BAZ2B: variants seen among roughly 807,000 people sequenced by gnomAD.
The protein encoded by BAZ2B is bromodomain adjacent to zinc finger domain protein 2B.
Under a neutral mutation model 246.0 loss-of-function variants are expected in BAZ2B, and 91 were observed. That is an observed-to-expected ratio of 0.37 (90% CI 0.31 to 0.44). BAZ2B has a LOEUF of 0.44. BAZ2B is among the 20% of genes least tolerant of loss of function. The probability of loss-of-function intolerance (pLI) is 1.00; values close to 1 mark genes in which losing one functional copy is unlikely to be tolerated. For missense variants in BAZ2B, 2,332 were observed against 2,533.7 expected (o/e 0.92, Z 1.71); for synonymous variants, 855 against 860.0 (o/e 0.99, Z 0.10).
intron 16 of BAZ2B, chr2:159,404,371 A>ATT (rs3061984): frequency 0.3 from 41,508 of 138,756 alleles, 6,258 homozygotes; most frequent in South Asian, 0.42. Context: ...TGCTGTCATC[A>ATT]TTTTTTTTTT....
At chr2:159,582,629 C>A (rs191640849) in intron 1 of BAZ2B, among the ~76,000 whole-genome samples, 4 of 152,138 alleles carry the variant, frequency 2.6e-5, no homozygotes, top group Admixed American at 2.6e-4. Flanking sequence ...CAGTGATCAG[C>A]CCACCTCAGC....
chr2:159,346,264 G>A (rs999099136), intron 31 of BAZ2B, among the ~76,000 whole-genome samples: 3 of 152,194 alleles, frequency 2.0e-5, no homozygotes, highest in Non-Finnish European at 2.9e-5. Flanking sequence ...CCTCAAAAGT[G>A]TCCAAATGCC....
intron 1 of BAZ2B, among the ~76,000 whole-genome samples, chr2:159,563,019 C>G (rs1337214806): frequency 6.6e-6 from 1 of 152,074 alleles, no homozygotes; most frequent in African/African-American, 2.4e-5. Context: ...CAGACTATGG[C>G]TGTGAAGACT....
intron 1 of BAZ2B, among the ~76,000 whole-genome samples, chr2:159,597,144 A>G (rs1030529735): frequency 1.3e-5 from 2 of 151,666 alleles, no homozygotes; most frequent in African/African-American, 2.4e-5. Context: ...TCCCTGATCA[A>G]TAGTGATGTT....
intron 36 of BAZ2B, 120 bp downstream of exon 36, chr2:159,324,674 ACACACACACACACACCT>A: frequency 1.5e-5 from 4 of 273,522 alleles, no homozygotes; most frequent in East Asian, 1.1e-4. Context: ...ACACACACAC[ACACACACACACACACCT>A]GCCTCAAAGG....
At chr2:159,334,110 A>G (rs1326004288) in intron 33 of BAZ2B, among the ~76,000 whole-genome samples, 2 of 152,170 alleles carry the variant, frequency 1.3e-5, no homozygotes, top group East Asian at 3.8e-4. Flanking sequence ...AATCAGATTC[A>G]TGAACATAAG....
intron 1 of BAZ2B, among the ~76,000 whole-genome samples, chr2:159,605,647 C>T (rs1421652371): frequency 6.6e-6 from 1 of 151,704 alleles, no homozygotes; most frequent in African/African-American, 2.4e-5. Context: ...GTCCCAGCTA[C>T]TCAGGAGGCT....
At chr2:159,396,776 C>T (rs757528970) in intron 19 of BAZ2B, among the ~76,000 whole-genome samples, 5 of 151,988 alleles carry the variant, frequency 3.3e-5, no homozygotes, top group African/African-American at 4.8e-5. Flanking sequence ...TGGGAGAATA[C>T]GGGTCATAAT....
At chr2:159,488,756 CT>C (rs373188112) in intron 2 of BAZ2B, among the ~76,000 whole-genome samples, 210 of 152,206 alleles carry the variant, frequency 1.4e-3, no homozygotes, top group African/African-American at 4.8e-3. Flanking sequence ...GGAAAAACTA[CT>C]GATCACAAGG....
chr2:159,387,400 TTAA>T (rs1194856071), intron 21 of BAZ2B, among the ~76,000 whole-genome samples: 1 of 152,164 alleles, frequency 6.6e-6, no homozygotes, highest in Non-Finnish European at 1.5e-5. Context: ...ATTTTGCCTG[TTAA>T]TGAGAGCCTA....
chr2:159,414,062 G>C (rs888211966), intron 13 of BAZ2B, among the ~76,000 whole-genome samples: 1 of 152,140 alleles, frequency 6.6e-6, no homozygotes, highest in Non-Finnish European at 1.5e-5. Flanking sequence ...CTACACAATG[G>C]AGTACTTATT....
chr2:159,686,455 C>T, the BAZ2B span, among the ~76,000 whole-genome samples: 12 of 152,000 alleles, frequency 7.9e-5, no homozygotes, highest in African/African-American at 2.2e-4. Flanking sequence ...CAAACCAAAA[C>T]GGAAAAACAG....
the BAZ2B span, among the ~76,000 whole-genome samples, chr2:159,707,774 C>T: frequency 1.1e-4 from 16 of 152,058 alleles, no homozygotes; most frequent in Admixed American, 1.0e-3. Flanking sequence ...TTGCAGTTAG[C>T]GGAGATCACA....
chr2:159,669,372 G>A, the BAZ2B span, among the ~76,000 whole-genome samples: 2 of 152,066 alleles, frequency 1.3e-5, no homozygotes, highest in South Asian at 4.1e-4. Context: ...GTCTCTCTTT[G>A]AGAATACACT....
chr2:159,537,482 A>G (rs1470179174), intron 2 of BAZ2B, among the ~76,000 whole-genome samples: 1 of 152,158 alleles, frequency 6.6e-6, no homozygotes, highest in Non-Finnish European at 1.5e-5. Context: ...AATTGAACAG[A>G]CTTTGTATGT....
chr2:159,633,659 C>T, the BAZ2B span, among the ~76,000 whole-genome samples: 2 of 151,506 alleles, frequency 1.3e-5, no homozygotes, highest in African/African-American at 4.9e-5. Flanking sequence ...TCATGACTAC[C>T]TTCTCTCTTG....
intron 3 of BAZ2B, chr2:159,463,313 T>C: frequency 6.7e-6 from 2 of 298,128 alleles, no homozygotes; most frequent in Non-Finnish European, 1.3e-5. Context: ...TTCCTTAACG[T>C]GTCTATTGTT....
intron 1 of BAZ2B, among the ~76,000 whole-genome samples, chr2:159,589,246 G>A (rs940361312): frequency 6.6e-6 from 1 of 151,962 alleles, no homozygotes; most frequent in Non-Finnish European, 1.5e-5. Context: ...AGCTCACAGT[G>A]GTATCCTTAC....
chr2:159,588,150 A>G (rs1228165139), intron 1 of BAZ2B, among the ~76,000 whole-genome samples: 2 of 148,404 alleles, frequency 1.3e-5, no homozygotes, highest in Admixed American at 1.4e-4. Context: ...CTACGATTGT[A>G]CCACTGCACT....
Sources: gnomAD v4.1 joint callset for allele counts (sites outside exome capture counted in the v4.1 genomes callset) on GRCh38, gnomAD v4.1.1 for gene constraint, MANE v1.5 for transcripts, NCBI Gene and HGNC (gene_info 2026-07-23, HGNC 2026-07-21) for gene names.